The following THRB variants were observed in gnomAD, a reference collection of about 807,000 sequenced individuals.
The protein encoded by THRB is nuclear receptor subfamily 1 group A member 2.
A neutral mutation model predicts 47.8 loss-of-function variants in THRB; 12 were observed. That is an observed-to-expected ratio of 0.25 (90% confidence interval 0.16 to 0.41). The LOEUF (loss-of-function observed/expected upper bound fraction) is 0.41. Ranked by LOEUF, THRB falls within the 10% of genes least tolerant of loss-of-function variation. The pLI is 1.00. For synonymous variants in THRB, 218 were observed against 212.2 expected (o/e 1.03, Z -0.24); for missense variants, 348 against 589.2 (o/e 0.59, Z 4.24).
At chr3:24,205,195 T>A (rs1181424437) in intron 4 of THRB, among the ~76,000 whole-genome samples, 2 of 151,956 alleles carry the variant, frequency 1.3e-5, no homozygotes, top group Non-Finnish European at 2.9e-5. Flanking sequence ...CCAAGACACA[T>A]AATTGTCAGA....
At chr3:24,330,521 T>C (rs981394777) in intron 2 of THRB, among the ~76,000 whole-genome samples, 9 of 152,178 alleles carry the variant, frequency 5.9e-5, no homozygotes, top group Admixed American at 5.2e-4. Flanking sequence ...AGCAAAACAC[T>C]ACCAACCCAT....
intron 1 of THRB, among the ~76,000 whole-genome samples, chr3:24,349,440 C>T (rs1407255185): frequency 1.3e-5 from 2 of 152,060 alleles, no homozygotes; most frequent in African/African-American, 2.4e-5. Context: ...GGACTTAACA[C>T]TACCAGTTAC....
At chr3:24,482,744 C>T (rs1696672851) in intron 1 of THRB, among the ~76,000 whole-genome samples, 1 of 152,132 alleles carries the variant, frequency 6.6e-6, no homozygotes, top group South Asian at 2.1e-4. Flanking sequence ...TCCTAGAGAC[C>T]TTAATCACAG....
chr3:24,203,956 G>T (rs1265135378), intron 4 of THRB, among the ~76,000 whole-genome samples: 2 of 152,242 alleles, frequency 1.3e-5, no homozygotes, highest in African/African-American at 4.8e-5. Context: ...GCAAGGCTGG[G>T]GGAGGGGCAC....
chr3:24,422,526 T>C (rs2069360875), intron 1 of THRB, among the ~76,000 whole-genome samples: 1 of 151,938 alleles, frequency 6.6e-6, no homozygotes, highest in Non-Finnish European at 1.5e-5. Context: ...AGTCTAATCC[T>C]GATACAGCCA....
At chr3:24,179,789 T>C (rs563032345) in intron 5 of THRB, among the ~76,000 whole-genome samples, 19 of 152,218 alleles carry the variant, frequency 1.2e-4, no homozygotes, top group Non-Finnish European at 2.1e-4. Flanking sequence ...TTTTATTTTT[T>C]AGTAGTGATC....
intron 4 of THRB, among the ~76,000 whole-genome samples, chr3:24,200,033 A>T (rs779733083): frequency 6.6e-6 from 1 of 152,194 alleles, no homozygotes; most frequent in Non-Finnish European, 1.5e-5. Context: ...TTAATCAGAG[A>T]GTCCTTAGGT....
intron 1 of THRB, among the ~76,000 whole-genome samples, chr3:24,422,555 T>G (rs1191097837): frequency 6.6e-6 from 1 of 151,926 alleles, no homozygotes; most frequent in African/African-American, 2.4e-5. Context: ...AATTTCCTCC[T>G]CAGATGAAAG....
intron 2 of THRB, among the ~76,000 whole-genome samples, chr3:24,316,737 C>T (rs2058140889): frequency 6.6e-6 from 1 of 152,106 alleles, no homozygotes; most frequent in African/African-American, 2.4e-5. Context: ...ATACAAGACC[C>T]CCGCTCCCAG....
At chr3:24,267,710 T>C (rs1443472659) in intron 3 of THRB, among the ~76,000 whole-genome samples, 3 of 152,214 alleles carry the variant, frequency 2.0e-5, no homozygotes, top group Admixed American at 2.0e-4. Flanking sequence ...CAGAATCTCC[T>C]GTACACTTGA....
At chr3:24,277,420 G>C (rs1215876539) in intron 3 of THRB, among the ~76,000 whole-genome samples, 1 of 152,134 alleles carries the variant, frequency 6.6e-6, no homozygotes, top group Non-Finnish European at 1.5e-5. Context: ...CACTTGGAGA[G>C]CTTGTAGAAA....
chr3:24,370,922 T>C (rs1383586237), intron 1 of THRB, among the ~76,000 whole-genome samples: 1 of 152,180 alleles, frequency 6.6e-6, no homozygotes, highest in East Asian at 1.9e-4. Context: ...AAGAGGTTAA[T>C]AGCCTAACAT....
intron 3 of THRB, among the ~76,000 whole-genome samples, chr3:24,251,550 G>A (rs1219532410): frequency 1.3e-5 from 2 of 152,058 alleles, no homozygotes; most frequent in Non-Finnish European, 2.9e-5. Flanking sequence ...TATAAGAGAT[G>A]ACTTTCAGTA....
chr3:24,380,196 C>T (rs908018147), intron 1 of THRB, among the ~76,000 whole-genome samples: 1 of 149,044 alleles, frequency 6.7e-6, no homozygotes, highest in African/African-American at 2.5e-5. Context: ...TCCTCTTTCT[C>T]CCTCTCTTCA....
chr3:24,193,225 TC>T (rs1290263837), intron 4 of THRB, among the ~76,000 whole-genome samples: 1 of 152,240 alleles, frequency 6.6e-6, no homozygotes, highest in African/African-American at 2.4e-5. Flanking sequence ...ATGGGATATT[TC>T]TTTTTAGGGA....
chr3:24,323,376 C>T (rs553858517), intron 2 of THRB, among the ~76,000 whole-genome samples: 1 of 152,266 alleles, frequency 6.6e-6, no homozygotes, highest in South Asian at 2.1e-4. Context: ...GAGGAACAAC[C>T]ATCATACAAT....
rs533802860 is a variant in THRB at position 24,162,840 on chromosome 3, AT to A, written c.284-10351del. Among the ~76,000 whole-genome samples the A allele has an allele frequency of 6.1e-4, 92 of 151,394 alleles. 1 individual carries two copies. The highest frequency in any genetic ancestry group is 9.1e-4 in the Non-Finnish European group (62 of 67,806). On this transcript the variant is annotated intron_variant, in intron 5 of 10. Transcript: ENST00000646209. The stretch of plus-strand genomic sequence containing the variant: ...CCTATAATTTTTTTATAAGATTGTA[AT>A]TTTTTTTTACAAGATTCTCTGTATA...
At chr3:24,281,507 T>G (rs576789793) in intron 3 of THRB, among the ~76,000 whole-genome samples, 4 of 148,784 alleles carry the variant, frequency 2.7e-5, no homozygotes, top group East Asian at 2.0e-4. Flanking sequence ...CCATCGAGAC[T>G]AGGAGGAAAC....
At chr3:24,133,695 AAGAGAGAG>A (rs10652016) in intron 8 of THRB, among the ~76,000 whole-genome samples, 18 of 150,228 alleles carry the variant, frequency 1.2e-4, no homozygotes, top group African/African-American at 2.4e-4. Context: ...TTGCTGCAGA[AAGAGAGAG>A]AGAGAGAGAG....
Sources: allele counts gnomAD v4.1 joint callset (sites outside exome capture counted in the v4.1 genomes callset), GRCh38; gene constraint gnomAD v4.1.1; transcripts MANE v1.5; gene names NCBI Gene and HGNC (gene_info 2026-07-23, HGNC 2026-07-21).